The following TLL2 variants were observed in gnomAD, a reference collection of about 807,000 sequenced individuals.
TLL2 encodes the protein tolloid like 2.
TLL2 carries 106 observed loss-of-function variants against 123.0 expected under a neutral mutation model. The ratio of observed to expected loss-of-function variants is 0.86; its 90% CI spans 0.74 to 1.01. The LOEUF is 1.01. TLL2 is among the 50% of genes least tolerant of loss of function. TLL2 has a pLI of 0.00. For synonymous variants in TLL2, 494 were observed against 516.8 expected (o/e 0.96, Z 0.60); for missense variants, 1,332 against 1,336.7 (o/e 1.00, Z 0.06).
intron 16 of TLL2, among the ~76,000 whole-genome samples, chr10:96,381,193 C>T (rs1589406641): frequency 6.6e-6 from 1 of 152,188 alleles, no homozygotes; most frequent in Non-Finnish European, 1.5e-5. Flanking sequence ...GTGGCTCCTG[C>T]CCCCTGCCCT....
chr10:96,422,719 G>A lies in TLL2; in HGVS notation c.647C>T (p.Ser216Phe), dbSNP rs1192400896. Residue 216 changes from serine (S) to phenylalanine (F), a missense_variant, in exon 6 of 21, where the codon TCC becomes TTC. Ser to Phe is a radical substitution (Grantham distance 155). Transcript: ENST00000357947. The part of the protein sequence containing the change: ...VFSYRTCGCC[S>F]YVGRRGGGPQ... The stretch of plus-strand genomic sequence containing the variant: ...GCCTCCTCCTCGGCGCCCAACATAG[G>A]AGCAACAGCTGGACAATTGCAGGAA... 1 of 1,614,170 alleles carries A rather than the reference G, an allele frequency of 6.2e-7. No homozygotes were observed. Among genetic ancestry groups the A allele is most frequent in the South Asian group, 1.1e-5 (1 of 91,084 alleles).
chr10:96,441,481 G>T (rs1265249456), intron 3 of TLL2, among the ~76,000 whole-genome samples: 1 of 152,212 alleles, frequency 6.6e-6, no homozygotes, highest in Non-Finnish European at 1.5e-5. Context: ...CCTTAGAGTG[G>T]AGTCAAGGCA....
intron 13 of TLL2, 29 bp from the exon 14 acceptor site, chr10:96,387,107 A>T: frequency 1.2e-6 from 2 of 1,606,056 alleles, no homozygotes; most frequent in Non-Finnish European, 1.7e-6. Flanking sequence ...GACCCCGGTT[A>T]CATTGTCAGG....
intron 2 of TLL2, among the ~76,000 whole-genome samples, chr10:96,456,933 G>A (rs372580004): frequency 2.0e-5 from 3 of 152,198 alleles, no homozygotes; most frequent in African/African-American, 7.2e-5. Flanking sequence ...AACAAACGGG[G>A]ATGGGAGGGA....
intron 2 of TLL2, among the ~76,000 whole-genome samples, chr10:96,474,479 G>A (rs535895292): frequency 6.6e-6 from 1 of 152,206 alleles, no homozygotes; most frequent in Non-Finnish European, 1.5e-5. Context: ...ATTTCCTTAT[G>A]TGTAGAATGG....
At chr10:96,460,668 G>A (rs551717662) in intron 2 of TLL2, among the ~76,000 whole-genome samples, 48 of 152,110 alleles carry the variant, frequency 3.2e-4, no homozygotes, top group African/African-American at 9.2e-4. Flanking sequence ...TTTTCTCTTC[G>A]CCTTCCTTGT....
intron 8 of TLL2, 121 bp from the exon 9 acceptor site, chr10:96,410,595 G>A (rs1343997035): frequency 6.5e-6 from 5 of 768,840 alleles, no homozygotes; most frequent in Non-Finnish European, 1.2e-5. Flanking sequence ...GGAACAGGTT[G>A]GTGAGAAGTG....
chr10:96,411,201 A>C (rs1224376113), intron 8 of TLL2, among the ~76,000 whole-genome samples: 1 of 138,368 alleles, frequency 7.2e-6, no homozygotes, highest in Admixed American at 7.7e-5. Flanking sequence ...CAGTGAGCCA[A>C]GATTGCACTA....
chr10:96,463,924 G>A (rs976422449), intron 2 of TLL2, among the ~76,000 whole-genome samples: 4 of 152,256 alleles, frequency 2.6e-5, no homozygotes, highest in Non-Finnish European at 5.9e-5. Context: ...GTGAAGTGGA[G>A]ATCAGGACCC....
At chr10:96,472,838 C>G (rs1847197960) in intron 2 of TLL2, among the ~76,000 whole-genome samples, 1 of 152,112 alleles carries the variant, frequency 6.6e-6, no homozygotes, top group Non-Finnish European at 1.5e-5. Context: ...GAGCCTCAAA[C>G]CTTGGAAAGC....
intron 13 of TLL2, among the ~76,000 whole-genome samples, chr10:96,387,474 A>G (rs1366754572): frequency 1.3e-5 from 2 of 152,252 alleles, no homozygotes; most frequent in African/African-American, 4.8e-5. Context: ...GCAACTTCTC[A>G]GAGATATTAA....
intron 7 of TLL2, among the ~76,000 whole-genome samples, chr10:96,419,313 C>T (rs1165795713): frequency 2.0e-5 from 3 of 152,124 alleles, no homozygotes; most frequent in African/African-American, 4.8e-5. Flanking sequence ...CTGGAAGGGG[C>T]TCAGAGAACA....
chr10:96,459,682 AAAAAAAAAAAAAAAAAAAAAAAAATATAT>A (rs1847054082), intron 2 of TLL2, among the ~76,000 whole-genome samples: 1 of 50,634 alleles, frequency 2.0e-5, no homozygotes, highest in Non-Finnish European at 3.9e-5. Context: ...AAAAAAAAAA[AAAAAAAAAAAAAAAAAAAAAAAAATATAT>A]ATATATATAT....
chr10:96,405,159 C>T (rs1400221823), intron 10 of TLL2, 73 bp downstream of exon 10: 1 of 1,408,744 alleles, frequency 7.1e-7, no homozygotes, highest in Non-Finnish European at 1.0e-6. Context: ...TCAAGGTGGA[C>T]CTTCCAGACA....
chr10:96,392,447 GT>G lies in TLL2; in HGVS notation c.1726+2739del, dbSNP rs201122210. Among the ~76,000 whole-genome samples, 727 of 146,542 alleles carry G rather than the reference GT, an allele frequency of 5.0e-3. 7 individuals are homozygous for G. Among genetic ancestry groups the G allele is most frequent in the African/African-American group, 0.016 (643 of 40,132 alleles). Reference sequence around the variant, plus strand: ...AAGTTCAAATGTAACTAGGCATCCTGTTTTTTTTTTTTTAATTTCCTAAACC... The same window carrying G: ...AAGTTCAAATGTAACTAGGCATCCTGTTTTTTTTTTTTAATTTCCTAAACC... On this transcript the variant is annotated intron_variant, in intron 13 of 20. Transcript: ENST00000357947.
Position 96,484,779 on chromosome 10 carries a change from T to C in TLL2, c.176-4320A>G, listed in dbSNP as rs560487619. Among the ~76,000 whole-genome samples the C allele has an allele frequency of 7.9e-5, 12 of 152,302 alleles. 1 individual carries two copies. The South Asian group carries it at 2.5e-3, about 32-fold the overall frequency. ...CTTTCCCTGCAGAGATCAAATATAA[T>C]TTGAAATTTGAAACCCAAGTAATCC... On this transcript the variant is annotated intron_variant, in intron 1 of 20. Coordinates refer to ENST00000357947, the MANE Select transcript of TLL2 (RefSeq NM_012465.4).
At chr10:96,416,876 C>T (rs1376221046) in intron 7 of TLL2, among the ~76,000 whole-genome samples, 1 of 152,182 alleles carries the variant, frequency 6.6e-6, no homozygotes, top group East Asian at 1.9e-4. Flanking sequence ...GCAGATGCCT[C>T]AGGGAATAAA....
chr10:96,469,581 G>A (rs1327931159), intron 2 of TLL2, among the ~76,000 whole-genome samples: 6 of 152,092 alleles, frequency 3.9e-5, no homozygotes, highest in African/African-American at 7.3e-5. Flanking sequence ...GGCCTTCCCC[G>A]TAGGTGTGGG....
Position 96,428,846 on chromosome 10 carries a change from C to T in TLL2, c.521-98G>A, listed in dbSNP as rs1846706854. On this transcript the variant is annotated intron_variant, in intron 4 of 20. Coordinates refer to ENST00000357947, the MANE Select transcript of TLL2 (RefSeq NM_012465.4). The stretch of plus-strand genomic sequence containing the variant: ...CAAGACGGAGTTTTGCCTTTGTTGC[C>T]CAGGCTGGAGTGCAATAGTGCGATC... 6.2e-6 allele frequency: 5 copies of T among 804,700 alleles called. No individual in the cohort carries two copies. In the South Asian group the frequency reaches 8.6e-5, roughly 14 times the overall value. 49.8% of individuals were successfully genotyped at this position (804,700 alleles called of 1,614,324 possible).
Sources: allele counts gnomAD v4.1 joint callset (sites outside exome capture counted in the v4.1 genomes callset), GRCh38; gene constraint gnomAD v4.1.1; transcripts MANE v1.5; gene names NCBI Gene and HGNC (gene_info 2026-07-23, HGNC 2026-07-21).